The following DOCK4 variants were observed in gnomAD, a reference collection of about 807,000 sequenced individuals.
DOCK4 encodes dedicator of cytokinesis protein 4.
In DOCK4, 97 loss-of-function variants were observed where a neutral mutation model predicts 268.1. That is an observed-to-expected ratio of 0.36 (90% confidence interval 0.31 to 0.43). The LOEUF (loss-of-function observed/expected upper bound fraction) is 0.43. Ranked by LOEUF, DOCK4 falls within the 20% of genes least tolerant of loss-of-function variation. The pLI is 1.00. For missense variants in DOCK4, 2,145 were observed against 2,455.7 expected (o/e 0.87, Z 2.67); for synonymous variants, 954 against 887.2 (o/e 1.08, Z -1.34).
At chr7:112,128,293 G>C (rs191857720) in intron 1 of DOCK4, among the ~76,000 whole-genome samples, 1 of 150,500 alleles carries the variant, frequency 6.6e-6, no homozygotes, top group East Asian at 2.0e-4. Context: ...GGAGGGAGGT[G>C]GGGGGGGTCA....
chr7:111,964,953 C>T (rs1797266635), intron 8 of DOCK4, among the ~76,000 whole-genome samples: 1 of 94,452 alleles, frequency 1.1e-5, no homozygotes, highest in Admixed American at 1.1e-4. Flanking sequence ...TCCAGCCAAA[C>T]TAAGCTTCAT....
chr7:112,146,118 T>C (rs79871692), intron 1 of DOCK4, among the ~76,000 whole-genome samples: 1 of 152,172 alleles, frequency 6.6e-6, no homozygotes, highest in Non-Finnish European at 1.5e-5. Context: ...GCACAAAGAT[T>C]GGTTTTTGTA....
At chr7:111,959,120 G>C (rs1796666145) in intron 8 of DOCK4, among the ~76,000 whole-genome samples, 1 of 151,790 alleles carries the variant, frequency 6.6e-6, no homozygotes, top group African/African-American at 2.4e-5. Context: ...GAGGCCCGAG[G>C]GAAGGTCGCT....
At chr7:111,837,942 C>CA (rs1312357257) in intron 25 of DOCK4, among the ~76,000 whole-genome samples, 13 of 151,550 alleles carry the variant, frequency 8.6e-5, no homozygotes, top group African/African-American at 3.2e-4. Context: ...CAAAATTAGC[C>CA]GGGTGTAGTG....
At chr7:111,795,323 C>T (rs963001324) in intron 30 of DOCK4, among the ~76,000 whole-genome samples, 3 of 151,024 alleles carry the variant, frequency 2.0e-5, no homozygotes, top group African/African-American at 7.4e-5. Context: ...ACAAACAAAA[C>T]CCAGCTTCAT....
chr7:112,132,705 AG>A (rs1388103474), intron 1 of DOCK4, among the ~76,000 whole-genome samples: 1 of 152,190 alleles, frequency 6.6e-6, no homozygotes, highest in Non-Finnish European at 1.5e-5. Context: ...GGATATTGAA[AG>A]TATCCAATAC....
At chr7:112,192,429 C>G (rs1281801703) in intron 1 of DOCK4, among the ~76,000 whole-genome samples, 1 of 152,050 alleles carries the variant, frequency 6.6e-6, no homozygotes, top group Non-Finnish European at 1.5e-5. Context: ...TATGAAACTT[C>G]TATTCTTTTG....
intron 11 of DOCK4, among the ~76,000 whole-genome samples, chr7:111,938,422 C>T (rs114592820): frequency 6.6e-6 from 1 of 152,136 alleles, no homozygotes; most frequent in African/African-American, 2.4e-5. Context: ...AACACAACCT[C>T]CAGAATGGAA....
At chr7:112,096,465 G>A (rs1291824021) in intron 1 of DOCK4, among the ~76,000 whole-genome samples, 3 of 152,162 alleles carry the variant, frequency 2.0e-5, no homozygotes, top group African/African-American at 7.2e-5. Context: ...TTACAGGCAT[G>A]AGCCACTGTG....
At chr7:111,760,432 A>G in intron 39 of DOCK4, 110 bp from the exon 40 acceptor site, 1 of 1,144,062 alleles carries the variant, frequency 8.7e-7, no homozygotes, top group Non-Finnish European at 1.2e-6. Context: ...ATACCAAGAC[A>G]CTATAACAAA....
At chr7:111,834,446 T>C in intron 26 of DOCK4, 142 bp downstream of exon 26, 1 of 637,814 alleles carries the variant, frequency 1.6e-6, no homozygotes. Context: ...TGAGCAGATC[T>C]GTGGATGAGG....
chr7:112,022,565 C>T (rs1012785608), intron 1 of DOCK4, among the ~76,000 whole-genome samples: 3 of 152,172 alleles, frequency 2.0e-5, no homozygotes, highest in South Asian at 2.1e-4. Flanking sequence ...AGCTATTAAC[C>T]GTGCTGTGCT....
chr7:111,949,005 G>A (rs577587741), intron 8 of DOCK4, among the ~76,000 whole-genome samples: 16 of 152,048 alleles, frequency 1.1e-4, no homozygotes, highest in African/African-American at 3.9e-4. Context: ...TTACTTAGTC[G>A]AAACTGCTAA....
chr7:111,838,290 C>T (rs928956122), intron 25 of DOCK4, among the ~76,000 whole-genome samples: 1 of 152,026 alleles, frequency 6.6e-6, no homozygotes, highest in Non-Finnish European at 1.5e-5. Flanking sequence ...GGAAGACTTA[C>T]ACTTACTGAC....
chr7:112,098,006 C>T (rs930765465), intron 1 of DOCK4, among the ~76,000 whole-genome samples: 7 of 152,160 alleles, frequency 4.6e-5, no homozygotes, highest in African/African-American at 9.7e-5. Flanking sequence ...TCTCACTCCA[C>T]GTCTCAAATG....
At chr7:111,844,395 G>A (rs1325890582) in intron 25 of DOCK4, among the ~76,000 whole-genome samples, 1 of 152,070 alleles carries the variant, frequency 6.6e-6, no homozygotes, top group Non-Finnish European at 1.5e-5. Context: ...GAAAACTCAG[G>A]GCCCTGACTC....
At chr7:112,114,249 C>T (rs1338679660) in intron 1 of DOCK4, among the ~76,000 whole-genome samples, 3 of 152,064 alleles carry the variant, frequency 2.0e-5, no homozygotes, top group Non-Finnish European at 4.4e-5. Context: ...TGTTGGTTCA[C>T]CTGTAATACA....
intron 1 of DOCK4, among the ~76,000 whole-genome samples, chr7:112,148,930 T>G (rs987045103): frequency 2.6e-5 from 4 of 152,206 alleles, no homozygotes. Flanking sequence ...GCTACGATAA[T>G]GCGCCAATAG....
At chr7:111,999,801 G>A (rs1349562643) in intron 3 of DOCK4, among the ~76,000 whole-genome samples, 1 of 151,626 alleles carries the variant, frequency 6.6e-6, no homozygotes, top group Non-Finnish European at 1.5e-5. Flanking sequence ...TGACATATAT[G>A]AAAATATTAG....
Sources: allele counts gnomAD v4.1 joint callset (sites outside exome capture counted in the v4.1 genomes callset), GRCh38; gene constraint gnomAD v4.1.1; transcripts MANE v1.5; gene names NCBI Gene and HGNC (gene_info 2026-07-23, HGNC 2026-07-21).